The following TUBGCP5 variants were observed in gnomAD, a reference collection of about 807,000 sequenced individuals.
TUBGCP5 encodes gamma-tubulin complex component 5.
TUBGCP5 carries 98 observed loss-of-function variants against 134.7 expected under a neutral mutation model. The observed-to-expected ratio is 0.73, with a 90% CI of 0.62 to 0.86. The LOEUF is 0.86. Ranked by LOEUF, TUBGCP5 falls within the 40% of genes least tolerant of loss-of-function variation. The pLI, the probability that TUBGCP5 is intolerant of heterozygous loss-of-function variation, is 0.00. For missense variants in TUBGCP5, 1,150 were observed against 1,244.8 expected, an observed-to-expected ratio of 0.92 and a Z score of 1.15; for synonymous variants, 456 against 431.4, an observed-to-expected ratio of 1.06 and a Z score of -0.71.
chr15:23,034,885 G>C (rs906556971), intron 3 of TUBGCP5, among the ~76,000 whole-genome samples: 3 of 151,568 alleles, frequency 2.0e-5, no homozygotes, highest in Non-Finnish European at 4.4e-5. Flanking sequence ...TAATAAAAAT[G>C]GCAAAACCAA....
chr15:22,987,620 G>C (rs1370887512), intron 23 of TUBGCP5, among the ~76,000 whole-genome samples: 1 of 151,118 alleles, frequency 6.6e-6, no homozygotes, highest in Non-Finnish European at 1.5e-5. Flanking sequence ...GAGGGGGCCA[G>C]GCGCGGTGGC....
chr15:23,015,866 C>G (rs1201231425), intron 13 of TUBGCP5, among the ~76,000 whole-genome samples: 2 of 152,178 alleles, frequency 1.3e-5, no homozygotes, highest in South Asian at 2.1e-4. Flanking sequence ...ATGAATAACT[C>G]TTTACAAAAC....
chr15:23,026,919 C>T (rs191663734), intron 7 of TUBGCP5, among the ~76,000 whole-genome samples: 38 of 151,830 alleles, frequency 2.5e-4, no homozygotes, highest in East Asian at 3.9e-4. Flanking sequence ...GGTGACAGAG[C>T]GAGACTTTGT....
At chr15:22,989,472 C>T (rs2063783626) in intron 23 of TUBGCP5, among the ~76,000 whole-genome samples, 1 of 116,026 alleles carries the variant, frequency 8.6e-6, no homozygotes, top group African/African-American at 3.3e-5. Flanking sequence ...CCACAACCCA[C>T]CCCCTGTTAA....
rs147127931 is a variant in TUBGCP5, at chr15:23,005,505, A to C, written c.2639T>G (p.Ile880Ser). 4.3e-6 allele frequency: 7 copies of C among 1,614,098 alleles called. No individual in the cohort carries two copies. Among genetic ancestry groups the C allele is most frequent in the African/African-American group, 2.7e-5 (2 of 74,926 alleles). ...CACTCTTAAGAGGAACATGCGATGA[A>C]TCTGCTGTCTTACTGGTTCTTTTTG... The part of the protein sequence containing the change: ...GPQKEPVRQQ[I>S]HRMFLLRVKL... The change falls in exon 19 of 23, where the codon ATT (isoleucine) becomes AGT (serine). Residue 880 changes from isoleucine to serine, a missense_variant. Physicochemically the swap from Ile to Ser is moderately radical, Grantham distance 142. Transcript: ENST00000615383.
chr15:22,983,715 T>C (rs998222731), intron 23 of TUBGCP5: 3 of 152,180 alleles, frequency 2.0e-5, no homozygotes, highest in African/African-American at 7.2e-5. Context: ...GTAGTTCGTC[T>C]CTCTCTCAAA....
At chr15:23,011,845 G>T (rs1254992777) in intron 13 of TUBGCP5, among the ~76,000 whole-genome samples, 1 of 150,416 alleles carries the variant, frequency 6.6e-6, no homozygotes, top group East Asian at 2.0e-4. Flanking sequence ...TCCGGGTGCA[G>T]TGGCTCATGC....
chr15:23,008,771 CATGTTTCCTTTTCTCTT>C lies in TUBGCP5; in HGVS notation c.2238_2254del (p.Ile746MetfsTer8). On this transcript the variant is annotated frameshift_variant, in exon 16 of 23. Coordinates refer to ENST00000615383, the MANE Select transcript of TUBGCP5 (RefSeq NM_052903.6). LOFTEE classifies it high-confidence loss of function. ...GACATTAAGAAAAGACACATTCTGC[CATGTTTCCTTTTCTCTT>C]ATTTTATCAAAAATTGACGTGTAGA... The C allele has an allele frequency of 6.2e-7, 1 of 1,608,550 alleles. No individual in the cohort carries two copies. Among genetic ancestry groups the C allele is most frequent in the African/African-American group, 1.3e-5 (1 of 74,554 alleles).
At chr15:23,027,390 C>T (rs2066040788) in intron 6 of TUBGCP5, 84 bp from the exon 7 acceptor site, 6 of 1,091,134 alleles carry the variant, frequency 5.5e-6, no homozygotes, top group Non-Finnish European at 6.9e-6. Flanking sequence ...TCCATTCAAA[C>T]GTATAGTTGA....
chr15:23,003,084 C>T lies in TUBGCP5; in HGVS notation c.2908G>A (p.Ala970Thr). 5 of 1,614,104 alleles carry T rather than the reference C, an allele frequency of 3.1e-6. No individual in the cohort carries two copies. Among genetic ancestry groups the T allele is most frequent in the Non-Finnish European group, 4.2e-6 (5 of 1,180,010 alleles). The change falls in exon 21 of 23, where the codon GCA (alanine) becomes ACA (threonine). Residue 970 changes from alanine to threonine, a missense_variant. By Grantham distance (58) the Ala-to-Thr change is moderately conservative (BLOSUM62 0). Around this residue, in one of 2 missense-constraint regions of TUBGCP5, gnomAD observed 697 missense variants for 850.1 expected, o/e 0.82. Coordinates refer to ENST00000615383, the MANE Select transcript of TUBGCP5 (RefSeq NM_052903.6). ...ACTTACCGCCAAGTGCCCAGGCCTG[C>T]CTGCCAACCGTCTGCAAACATGAGA... is the stretch of plus-strand genomic sequence containing the variant. The part of the protein sequence containing the change: ...LALMFADGWQ[A>T]GLGTWRMESI...
chr15:23,002,817 G>C (rs190787319), intron 21 of TUBGCP5, among the ~76,000 whole-genome samples: 1 of 151,466 alleles, frequency 6.6e-6, no homozygotes, highest in African/African-American at 2.4e-5. Context: ...ATCTAAAAAT[G>C]TTTGCTTGTT....
chr15:23,021,868 T>C, intron 11 of TUBGCP5, 91 bp downstream of exon 11: 1 of 1,327,434 alleles, frequency 7.5e-7, no homozygotes, highest in Non-Finnish European at 1.1e-6. Context: ...GAGTCATCAT[T>C]CAAGTATCAA....
At position 23,027,227 on chromosome 15, in the gene TUBGCP5, A is replaced by C; in HGVS notation, c.702T>G (p.His234Gln). The C allele has an allele frequency of 6.2e-7, 1 of 1,613,970 alleles. No individual in the cohort carries two copies. Among genetic ancestry groups the C allele is most frequent in the Non-Finnish European group, 8.5e-7 (1 of 1,179,932 alleles). ...YWTARPSQFPHSLHLHSNLAA... is the reference protein window; with the variant it reads ...YWTARPSQFPQSLHLHSNLAA... ...CTAAATTAGAGTGCAAATGTAAACT[A>C]TGAGGAAACTGGGAGGGCCTGGCTG... The change falls in exon 7 of 23, where the codon CAT (histidine) becomes CAG (glutamine). Residue 234 changes from histidine (H) to glutamine (Q), a missense_variant. This residue lies in a region of TUBGCP5 where 453 missense variants were observed against 394.7 expected (regional missense o/e 1.15). Transcript: ENST00000615383.
intron 19 of TUBGCP5, among the ~76,000 whole-genome samples, chr15:23,004,979 A>T (rs1439631681): frequency 1.3e-5 from 2 of 152,214 alleles, no homozygotes; most frequent in Non-Finnish European, 2.9e-5. Flanking sequence ...TGGCTTTTAG[A>T]TGTATCAGAA....
At position 23,013,175 on chromosome 15, in the gene TUBGCP5, G is replaced by A. The variant is rs1425679062; in HGVS notation, c.1757-1844C>T. Among the ~76,000 whole-genome samples, 4 of 151,860 alleles carry A rather than the reference G, an allele frequency of 2.6e-5. No individual in the cohort carries two copies. The highest frequency in any genetic ancestry group is 7.3e-5 in the African/African-American group (3 of 41,332). ...AACAGTTAAGATCCGACTGGAGGCT[G>A]GGGGTGGTGACTCACACCTGTAATC... On this transcript the variant is annotated intron_variant, in intron 13 of 22. Transcript: ENST00000615383. This position sits in a 1 kb window ranked among gnomAD's most constrained non-coding sequence, Gnocchi z 4.5.
chr15:23,036,826 G>T (rs2140708754), intron 3 of TUBGCP5, 71 bp downstream of exon 3: 1 of 1,071,460 alleles, frequency 9.3e-7, no homozygotes, highest in Non-Finnish European at 1.4e-6. Flanking sequence ...AACAGTAACT[G>T]AAACAAATTG....
chr15:22,983,036 TTCTC>T (rs1248780095), downstream of TUBGCP5, among the ~76,000 whole-genome samples: 3 of 152,316 alleles, frequency 2.0e-5, no homozygotes, highest in Non-Finnish European at 2.9e-5. Context: ...AGATTTGAAC[TTCTC>T]TCTATTAGTA....
intron 10 of TUBGCP5, among the ~76,000 whole-genome samples, chr15:23,022,550 C>T (rs932555099): frequency 6.6e-6 from 1 of 152,218 alleles, no homozygotes; most frequent in African/African-American, 2.4e-5. Context: ...CTACAAAGGG[C>T]TGCACAAGCA....
chr15:23,004,715 G>C (rs1018212262), intron 19 of TUBGCP5: 2 of 153,032 alleles, frequency 1.3e-5, no homozygotes, highest in African/African-American at 4.8e-5. Context: ...TTAACAATTA[G>C]GGGCTTAATG....
Sources: allele counts gnomAD v4.1 joint callset (sites outside exome capture counted in the v4.1 genomes callset), GRCh38; gene constraint gnomAD v4.1.1; regional missense constraint gnomAD v4.1.1; non-coding constraint Gnocchi (gnomAD v3.1); transcripts MANE v1.5; gene names NCBI Gene and HGNC (gene_info 2026-07-23, HGNC 2026-07-21).